Variants in MYO16 observed in about 807,000 individuals in gnomAD.
MYO16 encodes myosin XVI, also known as unconventional myosin-XVI.
MYO16 carries 94 observed loss-of-function variants against 205.3 expected under a neutral mutation model. That is an observed-to-expected ratio of 0.46 (90% CI 0.39 to 0.54). The LOEUF (loss-of-function observed/expected upper bound fraction) is 0.54, where lower values mean the gene tolerates loss of function less well. Ranked by LOEUF, MYO16 falls within the 20% of genes least tolerant of loss-of-function variation. MYO16 has a pLI of 0.00. For synonymous variants in MYO16, 988 were observed against 954.0 expected (o/e 1.04, Z -0.66); for missense variants, 2,315 against 2,387.5 (o/e 0.97, Z 0.63).
intron 1 of MYO16, among the ~76,000 whole-genome samples, chr13:108,634,064 AC>A (rs745974384): frequency 2.2e-4 from 34 of 152,234 alleles, no homozygotes; most frequent in Non-Finnish European, 4.6e-4. Context: ...GAGCTGGATG[AC>A]CCTTGAAGGA....
At chr13:108,563,604 T>TA in the MYO16 span, among the ~76,000 whole-genome samples, 1 of 152,216 alleles carries the variant, frequency 6.6e-6, no homozygotes, top group African/African-American at 2.4e-5. Context: ...TGTCTGTCTG[T>TA]ATCTGGCTTA....
chr13:108,883,502 C>T (rs1166360442), intron 13 of MYO16, among the ~76,000 whole-genome samples: 4 of 152,190 alleles, frequency 2.6e-5, no homozygotes, highest in East Asian at 1.9e-4. Flanking sequence ...ACCAATATTA[C>T]GGAACCTAAG....
chr13:108,722,091 G>A (rs939386825), intron 3 of MYO16, among the ~76,000 whole-genome samples: 1 of 152,128 alleles, frequency 6.6e-6, no homozygotes. Flanking sequence ...TTTGCACTGG[G>A]TCCCACCTTA....
chr13:108,811,206 C>T (rs981664205), intron 7 of MYO16, among the ~76,000 whole-genome samples: 1 of 152,068 alleles, frequency 6.6e-6, no homozygotes, highest in Non-Finnish European at 1.5e-5. Flanking sequence ...TTTAAAAACC[C>T]ATTTTTATTC....
chr13:108,598,521 A>AT (rs1878643447), intron 1 of MYO16, among the ~76,000 whole-genome samples: 1 of 152,204 alleles, frequency 6.6e-6, no homozygotes, highest in African/African-American at 2.4e-5. Flanking sequence ...TTCAAGTGAT[A>AT]GGTTGACACT....
intron 14 of MYO16, among the ~76,000 whole-genome samples, chr13:108,894,224 C>T (rs938024105): frequency 2.0e-5 from 3 of 152,118 alleles, no homozygotes; most frequent in African/African-American, 4.8e-5. Context: ...CACCCCCCAC[C>T]GGGTCTCTCC....
At chr13:108,903,052 C>T (rs1235522755) in intron 15 of MYO16, among the ~76,000 whole-genome samples, 1 of 152,164 alleles carries the variant, frequency 6.6e-6, no homozygotes, top group South Asian at 2.1e-4. Flanking sequence ...CACTTAGAAG[C>T]TCTCTCAGTT....
Position 108,899,670 on chromosome 13 carries a change from G to A in MYO16, c.1777+1537G>A, listed in dbSNP as rs375543791. On this transcript the variant is annotated intron_variant, in intron 15 of 34. Coordinates refer to ENST00000457511, the MANE Select transcript of MYO16 (RefSeq NM_001198950.3). ...GTGTGCTCCTCCAAGGGAAGGGGCC[G>A]GATTTACTTCTGTAATACTGAGCAC... Among the ~76,000 whole-genome samples, 27 of 152,220 alleles carry A rather than the reference G, an allele frequency of 1.8e-4. No homozygotes were observed. The East Asian group carries it at 2.9e-3, about 16-fold the overall frequency.
intron 6 of MYO16, among the ~76,000 whole-genome samples, chr13:108,804,427 G>T (rs890558784): frequency 6.6e-6 from 1 of 152,204 alleles, no homozygotes. Flanking sequence ...CACTGTTGCA[G>T]TTGGGCACCT....
At chr13:108,519,790 C>T in the MYO16 span, among the ~76,000 whole-genome samples, 45 of 151,994 alleles carry the variant, frequency 3.0e-4, no homozygotes, top group East Asian at 7.7e-3. Context: ...GTAAATGTAC[C>T]CGGGAATGAA....
chr13:108,613,895 A>G (rs377522305), intron 1 of MYO16, among the ~76,000 whole-genome samples: 6 of 152,150 alleles, frequency 3.9e-5, no homozygotes, highest in African/African-American at 1.4e-4. Flanking sequence ...TGAACCTAAT[A>G]GAAGTTTATT....
intron 22 of MYO16, among the ~76,000 whole-genome samples, chr13:109,015,452 G>T (rs1247199187): frequency 2.0e-5 from 3 of 152,096 alleles, no homozygotes; most frequent in Admixed American, 2.0e-4. Context: ...GCCAGGCTTT[G>T]GTATCAGGAT....
the MYO16 span, among the ~76,000 whole-genome samples, chr13:108,579,865 C>A: frequency 6.6e-6 from 1 of 152,110 alleles, no homozygotes; most frequent in Non-Finnish European, 1.5e-5. Flanking sequence ...ATATAGCTGG[C>A]CACTTCCTAA....
At chr13:108,553,323 C>T in the MYO16 span, among the ~76,000 whole-genome samples, 7 of 152,100 alleles carry the variant, frequency 4.6e-5, no homozygotes, top group Non-Finnish European at 1.0e-4. Flanking sequence ...TAAGCTTCAA[C>T]GTGAGTTTTA....
intron 27 of MYO16, among the ~76,000 whole-genome samples, chr13:109,093,520 C>G (rs1157922235): frequency 6.6e-6 from 1 of 152,152 alleles, no homozygotes; most frequent in Non-Finnish European, 1.5e-5. Context: ...CTCCTTTTTG[C>G]TTCTCAGTCA....
chr13:108,828,368 A>G (rs1439033835), intron 9 of MYO16, among the ~76,000 whole-genome samples: 2 of 152,146 alleles, frequency 1.3e-5, no homozygotes, highest in Non-Finnish European at 2.9e-5. Flanking sequence ...CAGAGCCACT[A>G]TCCAGTTTCA....
At chr13:108,767,295 G>A (rs1344853479) in intron 4 of MYO16, among the ~76,000 whole-genome samples, 1 of 152,090 alleles carries the variant, frequency 6.6e-6, no homozygotes, top group Non-Finnish European at 1.5e-5. Flanking sequence ...GTGGAGACAA[G>A]GTTTCACCAT....
At chr13:109,171,955 G>T (rs774166554) in intron 33 of MYO16, among the ~76,000 whole-genome samples, 2 of 152,102 alleles carry the variant, frequency 1.3e-5, no homozygotes, top group Non-Finnish European at 2.9e-5. Flanking sequence ...TTGAATAAAG[G>T]CTTCCTAAGG....
At chr13:108,774,615 A>G (rs754437172) in intron 4 of MYO16, among the ~76,000 whole-genome samples, 2 of 152,220 alleles carry the variant, frequency 1.3e-5, no homozygotes, top group Non-Finnish European at 2.9e-5. Flanking sequence ...GTACAAATAC[A>G]GCATTTTTTT....
Sources: gnomAD v4.1 joint callset for allele counts (sites outside exome capture counted in the v4.1 genomes callset) on GRCh38, gnomAD v4.1.1 for gene constraint, MANE v1.5 for transcripts, NCBI Gene and HGNC (gene_info 2026-07-23, HGNC 2026-07-21) for gene names.